The following PDZRN4 variants were observed in gnomAD, a reference collection of about 807,000 sequenced individuals.
PDZRN4 encodes PDZ domain-containing RING finger protein 4.
A neutral mutation model predicts 99.0 loss-of-function variants in PDZRN4; 70 were observed. The observed-to-expected ratio is 0.71, with a 90% CI of 0.58 to 0.86. The LOEUF is 0.86. Ranked by LOEUF, PDZRN4 falls within the 40% of genes least tolerant of loss-of-function variation. The pLI is 0.00. For synonymous variants in PDZRN4, 551 were observed against 501.6 expected, an observed-to-expected ratio of 1.10 and a Z score of -1.32; for missense variants, 1,474 against 1,331.2, an observed-to-expected ratio of 1.11 and a Z score of -1.67.
intron 3 of PDZRN4, among the ~76,000 whole-genome samples, chr12:41,488,796 G>A (rs17579291): frequency 0.15 from 23,086 of 152,156 alleles, 2,158 homozygotes; most frequent in Non-Finnish European, 0.21. Context: ...TGAAACAGAG[G>A]TGAAGCTCTA....
intron 3 of PDZRN4, among the ~76,000 whole-genome samples, chr12:41,425,819 G>A (rs1952531472): frequency 6.6e-6 from 1 of 152,064 alleles, no homozygotes; most frequent in Non-Finnish European, 1.5e-5. Flanking sequence ...AATATAGTGG[G>A]TTCAGTATTA....
At chr12:41,392,065 G>A (rs187266764) in intron 3 of PDZRN4, among the ~76,000 whole-genome samples, 1 of 152,164 alleles carries the variant, frequency 6.6e-6, no homozygotes, top group East Asian at 1.9e-4. Context: ...AACAAAATTA[G>A]GTCACATAAA....
At chr12:41,326,066 C>A (rs1257223731) in intron 3 of PDZRN4, among the ~76,000 whole-genome samples, 2 of 152,050 alleles carry the variant, frequency 1.3e-5, no homozygotes, top group Non-Finnish European at 2.9e-5. Flanking sequence ...TCACAACAAC[C>A]TCAACCTCCC....
At chr12:41,227,312 G>C (rs1438066200) in intron 3 of PDZRN4, among the ~76,000 whole-genome samples, 1 of 152,064 alleles carries the variant, frequency 6.6e-6, no homozygotes, top group Non-Finnish European at 1.5e-5. Flanking sequence ...TAACCCCATT[G>C]CTTCTCTATA....
At chr12:41,403,265 G>T (rs1322729088) in intron 3 of PDZRN4, among the ~76,000 whole-genome samples, 2 of 152,078 alleles carry the variant, frequency 1.3e-5, no homozygotes, top group Non-Finnish European at 2.9e-5. Flanking sequence ...TTTTCGTTTG[G>T]CTGGTTTTTT....
intron 3 of PDZRN4, chr12:41,437,978 G>A: frequency 6.2e-7 from 1 of 1,614,136 alleles, no homozygotes; most frequent in Non-Finnish European, 8.5e-7. Flanking sequence ...TCAGAAAAGA[G>A]AGGAACACTA....
intron 3 of PDZRN4, among the ~76,000 whole-genome samples, chr12:41,307,938 A>T (rs991629596): frequency 6.6e-6 from 1 of 152,106 alleles, no homozygotes; most frequent in Non-Finnish European, 1.5e-5. Flanking sequence ...CAACAACTTT[A>T]TATATGGAAG....
chr12:41,293,299 G>A lies in PDZRN4; in HGVS notation c.843+99111G>A, dbSNP rs566446724. On this transcript the variant is annotated intron_variant, in intron 3 of 9. Coordinates refer to ENST00000402685, the MANE Select transcript of PDZRN4 (RefSeq NM_001164595.2). ...GCAATGTAATTTCCCTGGTGCTGAC[G>A]AGGAAAAAAATATGGACACACATGT... Among the ~76,000 whole-genome samples the A allele has an allele frequency of 5.3e-5, 8 of 149,622 alleles. No homozygotes were observed. In the East Asian group the frequency reaches 1.0e-3, roughly 19 times the overall value.
chr12:41,415,282 A>G (rs961138731), intron 3 of PDZRN4, among the ~76,000 whole-genome samples: 3 of 151,198 alleles, frequency 2.0e-5, no homozygotes, highest in African/African-American at 4.8e-5. Flanking sequence ...GAATTGAAAT[A>G]TATTTAGGAG....
chr12:41,247,730 A>T (rs1330170613), intron 3 of PDZRN4, among the ~76,000 whole-genome samples: 1 of 152,216 alleles, frequency 6.6e-6, no homozygotes, highest in Non-Finnish European at 1.5e-5. Flanking sequence ...CCATCCTTTT[A>T]ATAAATACTT....
At chr12:41,417,510 G>A (rs982408217) in intron 3 of PDZRN4, among the ~76,000 whole-genome samples, 3 of 152,138 alleles carry the variant, frequency 2.0e-5, no homozygotes, top group African/African-American at 7.2e-5. Flanking sequence ...CTGAATTTCT[G>A]TTGTGTACCA....
chr12:41,524,401 G>T (rs1938537878), intron 5 of PDZRN4, among the ~76,000 whole-genome samples: 1 of 152,134 alleles, frequency 6.6e-6, no homozygotes, highest in Non-Finnish European at 1.5e-5. Flanking sequence ...TTTTACATAT[G>T]AAAGAACTGA....
chr12:41,320,938 C>T (rs1565551054), intron 3 of PDZRN4, among the ~76,000 whole-genome samples: 1 of 151,954 alleles, frequency 6.6e-6, no homozygotes, highest in African/African-American at 2.4e-5. Context: ...TTTTTGTTTG[C>T]TTGCATCTTC....
chr12:41,188,505 A>G lies in PDZRN4; in HGVS notation c.50A>G (p.Glu17Gly). 6.3e-7 allele frequency: 1 copy of G among 1,590,960 alleles called. No individual in the cohort carries two copies. Reference protein sequence around the residue: ...RFAEAVDPALECKLCGQVLEE... With the variant: ...RFAEAVDPALGCKLCGQVLEE... ...GCAGAAGCCGTGGACCCGGCTCTGG[A>G]GTGCAAACTGTGCGGCCAGGTGCTT... Residue 17 changes from glutamate (E) to glycine (G), a missense_variant, in exon 1 of 10, where the codon GAG (glutamate) becomes GGG (glycine). By Grantham distance (98) the Glu-to-Gly change is moderately conservative. Coordinates refer to ENST00000402685, the MANE Select transcript of PDZRN4 (RefSeq NM_001164595.2).
At chr12:41,543,913 T>C (rs1938903589) in intron 5 of PDZRN4, among the ~76,000 whole-genome samples, 1 of 152,150 alleles carries the variant, frequency 6.6e-6, no homozygotes, top group African/African-American at 2.4e-5. Flanking sequence ...GCCCTGGAGC[T>C]GGAATCAGCC....
intron 5 of PDZRN4, among the ~76,000 whole-genome samples, chr12:41,538,477 G>T (rs557881666): frequency 6.6e-5 from 10 of 152,216 alleles, no homozygotes; most frequent in South Asian, 6.2e-4. Flanking sequence ...ATATACTCGG[G>T]TTAATTTCGA....
chr12:41,553,123 C>T (rs767008009), intron 6 of PDZRN4, among the ~76,000 whole-genome samples: 1 of 152,170 alleles, frequency 6.6e-6, no homozygotes, highest in Non-Finnish European at 1.5e-5. Flanking sequence ...AACAGTAGCA[C>T]TGGCTAATTG....
intron 3 of PDZRN4, among the ~76,000 whole-genome samples, chr12:41,371,653 G>A (rs1425814355): frequency 4.6e-5 from 7 of 152,026 alleles, no homozygotes; most frequent in Admixed American, 1.3e-4. Context: ...TTTGGTTTTC[G>A]CTTTATTTTT....
intron 3 of PDZRN4, among the ~76,000 whole-genome samples, chr12:41,470,650 C>A (rs1212407944): frequency 6.6e-6 from 1 of 152,180 alleles, no homozygotes; most frequent in Non-Finnish European, 1.5e-5. Flanking sequence ...ATCTCTTCCC[C>A]CTCCCGCCAC....
Sources: allele counts gnomAD v4.1 joint callset (sites outside exome capture counted in the v4.1 genomes callset), GRCh38; gene constraint gnomAD v4.1.1; transcripts MANE v1.5; gene names NCBI Gene and HGNC (gene_info 2026-07-23, HGNC 2026-07-21).